Variants in KALRN observed in about 807,000 individuals in gnomAD.
KALRN encodes kalirin.
KALRN carries 70 observed loss-of-function variants against 353.7 expected under a neutral mutation model. That is an observed-to-expected ratio of 0.20 (90% CI 0.16 to 0.24). KALRN has a LOEUF of 0.24. Among genes scored for constraint, KALRN ranks in the 10% least tolerant of loss-of-function variants. The probability of loss-of-function intolerance (pLI) is 1.00; values close to 1 mark genes in which losing one functional copy is unlikely to be tolerated. For synonymous variants in KALRN, 1,391 were observed against 1,434.8 expected, an observed-to-expected ratio of 0.97 and a Z score of 0.69; for missense variants, 2,791 against 3,756.7, an observed-to-expected ratio of 0.74 and a Z score of 6.72.
chr3:124,467,995 C>T (rs918780826), intron 25 of KALRN, among the ~76,000 whole-genome samples: 9 of 151,066 alleles, frequency 6.0e-5, no homozygotes, highest in Admixed American at 1.3e-4. Flanking sequence ...GATCCATCTG[C>T]GGAAAGAGGC....
intron 25 of KALRN, among the ~76,000 whole-genome samples, chr3:124,464,461 T>C (rs2060138435): frequency 6.6e-6 from 1 of 152,210 alleles, no homozygotes; most frequent in South Asian, 2.1e-4. Flanking sequence ...GCTGAAAATC[T>C]ACCTACCAGT....
Position 124,244,980 on chromosome 3 carries a change from A to AT in KALRN, c.263+10045dup, listed in dbSNP as rs1416908058. ...ATTTCCATCATCTCAGAAATTTATC[A>AT]TTTTTTTTGTTGGAAACATTCCAAA... On this transcript the variant is annotated intron_variant, in intron 3 of 59. Coordinates refer to ENST00000682506, the MANE Select transcript of KALRN (RefSeq NM_001388419.1). Among the ~76,000 whole-genome samples, 5 of 151,962 alleles carry AT rather than the reference A, an allele frequency of 3.3e-5. No individual in the cohort carries two copies. The East Asian group carries it at 5.8e-4, about 18-fold the overall frequency.
At chr3:124,164,819 G>A (rs548507087) in intron 1 of KALRN, 2 of 152,228 alleles carry the variant, frequency 1.3e-5, no homozygotes, top group South Asian at 2.1e-4. Flanking sequence ...ACATTAGGAC[G>A]GCTTTTGTTA....
chr3:124,087,044 T>C (rs1276601566), intron 1 of KALRN, among the ~76,000 whole-genome samples: 1 of 152,198 alleles, frequency 6.6e-6, no homozygotes, highest in African/African-American at 2.4e-5. Flanking sequence ...TGTCATTCAG[T>C]GGGCATCAGA....
At chr3:124,186,056 C>T (rs958351104) in intron 1 of KALRN, among the ~76,000 whole-genome samples, 8 of 152,246 alleles carry the variant, frequency 5.3e-5, no homozygotes, top group African/African-American at 1.9e-4. Flanking sequence ...ATCAGGTTAC[C>T]TGGTTTCAGG....
chr3:124,579,911 GGAGTA>G (rs2074460273), intron 34 of KALRN, among the ~76,000 whole-genome samples: 1 of 152,156 alleles, frequency 6.6e-6, no homozygotes, highest in South Asian at 2.1e-4. Context: ...GCTTATCTTT[GGAGTA>G]GAGGGTGGAC....
intron 3 of KALRN, among the ~76,000 whole-genome samples, chr3:124,241,490 A>AT (rs2080434935): frequency 6.6e-6 from 1 of 152,178 alleles, no homozygotes; most frequent in Non-Finnish European, 1.5e-5. Context: ...AATAAGGAAA[A>AT]TTAATAATGA....
chr3:124,418,221 G>A (rs893429299), intron 14 of KALRN, among the ~76,000 whole-genome samples: 2 of 152,186 alleles, frequency 1.3e-5, no homozygotes, highest in Middle Eastern at 3.4e-3. Context: ...GGGCTGAGAC[G>A]AAGGGAAGAA....
chr3:124,373,637 T>C (rs1482345945), intron 10 of KALRN, among the ~76,000 whole-genome samples: 2 of 152,188 alleles, frequency 1.3e-5, no homozygotes, highest in African/African-American at 4.8e-5. Context: ...TCCTGGCATG[T>C]GGCTGCACCA....
intron 33 of KALRN, among the ~76,000 whole-genome samples, chr3:124,552,834 C>T (rs1248578312): frequency 6.6e-6 from 1 of 152,152 alleles, no homozygotes; most frequent in Non-Finnish European, 1.5e-5. Context: ...GGTGCAATCT[C>T]TGCTCACTGC....
intron 1 of KALRN, among the ~76,000 whole-genome samples, chr3:124,141,660 C>T (rs1432009643): frequency 1.3e-5 from 2 of 152,178 alleles, no homozygotes; most frequent in Non-Finnish European, 2.9e-5. Flanking sequence ...TTTTCCATAG[C>T]ACTTGGCACA....
chr3:124,411,433 CTTTTTTTTTTTTT>C (rs61485429), intron 13 of KALRN, among the ~76,000 whole-genome samples: 7 of 51,496 alleles, frequency 1.4e-4, no homozygotes, highest in Admixed American at 2.8e-4. Flanking sequence ...TTAAATTATG[CTTTTTTTTTTTTT>C]TTTTTTTTTT....
chr3:124,669,976 TTTTC>T (rs1394407840), intron 47 of KALRN, among the ~76,000 whole-genome samples: 12 of 149,004 alleles, frequency 8.1e-5, no homozygotes, highest in African/African-American at 2.8e-4. Flanking sequence ...TTTTTTTTTT[TTTTC>T]TTTTTTTGAG....
intron 1 of KALRN, among the ~76,000 whole-genome samples, chr3:124,119,176 G>T (rs2149573913): frequency 6.6e-6 from 1 of 152,306 alleles, no homozygotes; most frequent in Non-Finnish European, 1.5e-5. Flanking sequence ...AGTGGAAGCT[G>T]ACTGACAGGG....
At chr3:124,587,150 C>T (rs1026214029) in intron 34 of KALRN, among the ~76,000 whole-genome samples, 5 of 152,292 alleles carry the variant, frequency 3.3e-5, no homozygotes, top group East Asian at 1.9e-4. Context: ...GACTGACTGC[C>T]TCCCTTTTCA....
chr3:124,571,058 C>T (rs2073457937), intron 34 of KALRN, among the ~76,000 whole-genome samples: 1 of 152,194 alleles, frequency 6.6e-6, no homozygotes, highest in African/African-American at 2.4e-5. Flanking sequence ...CTACCCACGT[C>T]TCCTTCTATT....
intron 4 of KALRN, among the ~76,000 whole-genome samples, chr3:124,267,639 C>T (rs1364179990): frequency 6.6e-6 from 1 of 152,240 alleles, no homozygotes; most frequent in Non-Finnish European, 1.5e-5. Flanking sequence ...TTGTTCCAGA[C>T]CAGTCCTCCT....
intron 33 of KALRN, among the ~76,000 whole-genome samples, chr3:124,543,523 G>A (rs571710210): frequency 3.3e-5 from 5 of 152,014 alleles, no homozygotes; most frequent in East Asian, 3.9e-4. Flanking sequence ...GGATAGTCTC[G>A]ATCTCCTGAC....
At chr3:124,613,437 G>GT (rs915635129) in intron 34 of KALRN, among the ~76,000 whole-genome samples, 1 of 152,214 alleles carries the variant, frequency 6.6e-6, no homozygotes, top group Non-Finnish European at 1.5e-5. Context: ...CTGCTAGTAA[G>GT]TCTCAGGATT....
Sources: gnomAD v4.1 joint callset for allele counts (sites outside exome capture counted in the v4.1 genomes callset) on GRCh38, gnomAD v4.1.1 for gene constraint, MANE v1.5 for transcripts, NCBI Gene and HGNC (gene_info 2026-07-23, HGNC 2026-07-21) for gene names.